Variants in SDHAF3 observed in about 807,000 individuals in gnomAD.
The protein encoded by SDHAF3 is succinate dehydrogenase complex assembly factor 3, also known as succinate dehydrogenase assembly factor 3, mitochondrial.
Under a neutral mutation model 11.5 loss-of-function variants are expected in SDHAF3, and 18 were observed. That is an observed-to-expected ratio of 1.56 (90% CI 1.08 to 2.32). SDHAF3 has a LOEUF of 2.32. Among genes scored for constraint, SDHAF3 ranks in the 30% most tolerant of loss-of-function variants. SDHAF3 has a pLI of 0.00. For synonymous variants in SDHAF3, 72 were observed against 59.3 expected (o/e 1.21, Z -0.99); for missense variants, 200 against 154.4 (o/e 1.30, Z -1.57).
chr7:97,163,948 A>G (rs1326185332), intron 1 of SDHAF3, among the ~76,000 whole-genome samples: 1 of 149,744 alleles, frequency 6.7e-6, no homozygotes, highest in Non-Finnish European at 1.5e-5. Context: ...TGGGTTGAAA[A>G]TTCTTTTTTT....
intron 1 of SDHAF3, among the ~76,000 whole-genome samples, chr7:97,124,560 G>A (rs1005859916): frequency 3.9e-5 from 6 of 152,074 alleles, no homozygotes; most frequent in African/African-American, 1.2e-4. Context: ...GATAGGAATA[G>A]CATTGAATGT....
chr7:97,180,861 A>G, intron 1 of SDHAF3, 151 bp from the exon 2 acceptor site: 2 of 701,110 alleles, frequency 2.9e-6, no homozygotes, highest in South Asian at 2.3e-5. Flanking sequence ...AATGAATTGT[A>G]TCTTCACAAC....
intron 1 of SDHAF3, chr7:97,136,279 C>T: frequency 2.2e-6 from 1 of 464,900 alleles, no homozygotes; most frequent in Middle Eastern, 3.9e-4. Context: ...GGCAAACTTA[C>T]TAATTAAAAG....
chr7:97,135,340 C>G (rs997684428), intron 1 of SDHAF3: 1 of 152,146 alleles, frequency 6.6e-6, no homozygotes, highest in Non-Finnish European at 1.5e-5. Flanking sequence ...GATCCTTCTT[C>G]CTGCCTCTCT....
At chr7:97,129,957 A>G (rs559378032) in intron 1 of SDHAF3, among the ~76,000 whole-genome samples, 1 of 152,252 alleles carries the variant, frequency 6.6e-6, no homozygotes, top group East Asian at 1.9e-4. Flanking sequence ...GCTTCGTGCG[A>G]GGCTGTGGCT....
chr7:97,126,956 T>G lies in SDHAF3; in HGVS notation c.174+9059T>G, dbSNP rs561886437. Among the ~76,000 whole-genome samples the G allele has an allele frequency of 9.2e-5, 14 of 152,096 alleles. No homozygotes were observed. In the East Asian group the frequency reaches 2.3e-3, roughly 25 times the overall value. On this transcript the variant is annotated intron_variant, in intron 1 of 1. Coordinates refer to ENST00000432641, the MANE Select transcript of SDHAF3 (RefSeq NM_020186.3). ...GGTGTAGACACACGAGGGAATCTCC[T>G]GGTCTTCGGATTACAAAAATCATGG...
At chr7:97,152,382 G>C (rs1398819168) in intron 1 of SDHAF3, among the ~76,000 whole-genome samples, 1 of 152,146 alleles carries the variant, frequency 6.6e-6, no homozygotes, top group Non-Finnish European at 1.5e-5. Context: ...AATGCTGATT[G>C]GTTAAGTTAG....
chr7:97,120,515 A>G (rs1791475171), intron 1 of SDHAF3, among the ~76,000 whole-genome samples: 1 of 151,956 alleles, frequency 6.6e-6, no homozygotes, highest in South Asian at 2.1e-4. Context: ...TCTTCAAAAT[A>G]TCTAATTTAT....
At chr7:97,138,442 C>G (rs1284552522) in intron 1 of SDHAF3, among the ~76,000 whole-genome samples, 1 of 152,212 alleles carries the variant, frequency 6.6e-6, no homozygotes, top group Admixed American at 6.5e-5. Context: ...GGATTACAGG[C>G]ATGAGCCACC....
At chr7:97,148,916 CAGT>C (rs766999553) in intron 1 of SDHAF3, among the ~76,000 whole-genome samples, 10 of 150,232 alleles carry the variant, frequency 6.7e-5, no homozygotes, top group South Asian at 2.1e-4. Flanking sequence ...GATGCACAAT[CAGT>C]AGATTTGTGT....
At chr7:97,127,727 G>T (rs1302227776) in intron 1 of SDHAF3, among the ~76,000 whole-genome samples, 1 of 152,028 alleles carries the variant, frequency 6.6e-6, no homozygotes, top group Non-Finnish European at 1.5e-5. Flanking sequence ...GGAATGAATT[G>T]CTTCTCTGTT....
At chr7:97,166,721 C>T (rs756306529) in intron 1 of SDHAF3, among the ~76,000 whole-genome samples, 5 of 151,196 alleles carry the variant, frequency 3.3e-5, no homozygotes, top group Admixed American at 1.3e-4. Context: ...ATGCCCTTGG[C>T]CAAGAGAAGG....
intron 1 of SDHAF3, among the ~76,000 whole-genome samples, chr7:97,164,636 A>G (rs536795376): frequency 6.6e-6 from 1 of 152,058 alleles, no homozygotes; most frequent in East Asian, 1.9e-4. Flanking sequence ...CGGCCTCCCA[A>G]AGTGCTGGGA....
intron 1 of SDHAF3, among the ~76,000 whole-genome samples, chr7:97,156,136 G>T: frequency 6.6e-6 from 1 of 152,130 alleles, no homozygotes; most frequent in Non-Finnish European, 1.5e-5. Flanking sequence ...TTCCACCCAG[G>T]AGATCACATT....
At chr7:97,123,862 A>C (rs1791535636) in intron 1 of SDHAF3, among the ~76,000 whole-genome samples, 1 of 144,600 alleles carries the variant, frequency 6.9e-6, no homozygotes, top group South Asian at 2.2e-4. Context: ...TTTTCTTGTA[A>C]ATTTGTTTAA....
chr7:97,163,162 A>G (rs1204635721), intron 1 of SDHAF3, among the ~76,000 whole-genome samples: 3 of 134,054 alleles, frequency 2.2e-5, no homozygotes, highest in Non-Finnish European at 4.6e-5. Flanking sequence ...TTGTTGGTTT[A>G]AAGTCCTTTT....
chr7:97,179,480 T>TTTTTTTTTTTGCTTTAACAATCAAG (rs1789737872), intron 1 of SDHAF3, among the ~76,000 whole-genome samples: 3 of 141,100 alleles, frequency 2.1e-5, no homozygotes, highest in African/African-American at 7.6e-5. Flanking sequence ...TTCCATTTTT[T>TTTTTTTTTTTGCTTTAACAATCAAG]TTTTTTTTTT....
intron 1 of SDHAF3, among the ~76,000 whole-genome samples, chr7:97,132,014 A>T (rs2115638861): frequency 6.6e-6 from 1 of 152,318 alleles, no homozygotes; most frequent in African/African-American, 2.4e-5. Context: ...TTTGGATGAT[A>T]AGATTGATTG....
At chr7:97,127,601 G>GAT (rs1353569788) in intron 1 of SDHAF3, among the ~76,000 whole-genome samples, 3 of 152,092 alleles carry the variant, frequency 2.0e-5, no homozygotes, top group Non-Finnish European at 2.9e-5. Flanking sequence ...GTATAATTAG[G>GAT]ATTGGATGGG....
Sources: allele counts gnomAD v4.1 joint callset (sites outside exome capture counted in the v4.1 genomes callset), GRCh38; gene constraint gnomAD v4.1.1; transcripts MANE v1.5; gene names NCBI Gene and HGNC (gene_info 2026-07-23, HGNC 2026-07-21).